The following TASP1 variants were observed in gnomAD, a reference collection of about 807,000 sequenced individuals.
The protein encoded by TASP1 is taspase 1, also known as threonine aspartase 1.
A neutral mutation model predicts 56.6 loss-of-function variants in TASP1; 16 were observed. The ratio of observed to expected loss-of-function variants is 0.28; its 90% CI spans 0.19 to 0.43. The LOEUF (loss-of-function observed/expected upper bound fraction) is 0.43. TASP1 is among the 20% of genes least tolerant of loss of function. The pLI is 1.00. For synonymous variants in TASP1, 179 were observed against 184.2 expected, an observed-to-expected ratio of 0.97 and a Z score of 0.23; for missense variants, 393 against 511.6, an observed-to-expected ratio of 0.77 and a Z score of 2.24.
chr20:13,564,361 T>C (rs2046443646), intron 7 of TASP1, among the ~76,000 whole-genome samples: 2 of 152,086 alleles, frequency 1.3e-5, no homozygotes. Flanking sequence ...ATAAAATGCT[T>C]AGAAAAAAAC....
At chr20:13,499,552 C>T (rs930294199) in intron 10 of TASP1, among the ~76,000 whole-genome samples, 2 of 151,736 alleles carry the variant, frequency 1.3e-5, no homozygotes, top group African/African-American at 4.8e-5. Flanking sequence ...TTTTGTTGAA[C>T]AGACTATGAT....
intron 7 of TASP1, among the ~76,000 whole-genome samples, chr20:13,562,693 A>G (rs1326290551): frequency 1.3e-5 from 2 of 151,828 alleles, no homozygotes; most frequent in African/African-American, 4.8e-5. Context: ...CCTGGGCAAC[A>G]TGGTGAAACC....
intron 11 of TASP1, among the ~76,000 whole-genome samples, chr20:13,437,505 C>T (rs962961929): frequency 1.3e-5 from 2 of 152,108 alleles, no homozygotes; most frequent in Non-Finnish European, 2.9e-5. Flanking sequence ...GAAGTTCTGG[C>T]CAGGGCAATC....
At chr20:13,299,264 G>C in the TASP1 span, 3 of 1,608,302 alleles carry the variant, frequency 1.9e-6, no homozygotes, top group Non-Finnish European at 1.7e-6. This position sits in a 1 kb window ranked among gnomAD's most constrained non-coding sequence, Gnocchi z 5.8. Context: ...GCAAGGGGGC[G>C]GGCACGCCCA....
chr20:13,408,299 T>G (rs1341685135), intron 13 of TASP1, among the ~76,000 whole-genome samples: 1 of 152,166 alleles, frequency 6.6e-6, no homozygotes, highest in African/African-American at 2.4e-5. Context: ...CAGGATCATT[T>G]GTTGGCAATG....
At chr20:13,503,011 T>C (rs1303659577) in intron 10 of TASP1, among the ~76,000 whole-genome samples, 1 of 152,102 alleles carries the variant, frequency 6.6e-6, no homozygotes, top group Non-Finnish European at 1.5e-5. Context: ...GTGAGTAAGC[T>C]CCTGGGTACC....
chr20:13,448,916 G>C (rs572711550), intron 11 of TASP1, among the ~76,000 whole-genome samples: 1 of 152,078 alleles, frequency 6.6e-6, no homozygotes, highest in East Asian at 1.9e-4. Flanking sequence ...GTTCTAAGAG[G>C]GGTTAGATGG....
the TASP1 span, among the ~76,000 whole-genome samples, chr20:13,365,594 C>G: frequency 4.6e-5 from 7 of 152,228 alleles, no homozygotes; most frequent in East Asian, 1.4e-3. Flanking sequence ...TGTGAAAACT[C>G]CAATGCAGGA....
the TASP1 span, among the ~76,000 whole-genome samples, chr20:13,309,868 G>A: frequency 6.6e-6 from 1 of 151,856 alleles, no homozygotes; most frequent in African/African-American, 2.4e-5. Context: ...AACTAAGGAT[G>A]AATACATTTA....
chr20:13,313,091 C>T, the TASP1 span, among the ~76,000 whole-genome samples: 1 of 152,284 alleles, frequency 6.6e-6, no homozygotes, highest in Middle Eastern at 3.4e-3. Context: ...CTTTGGGCCC[C>T]ATCCCACCAC....
chr20:13,238,332 A>T, the TASP1 span, among the ~76,000 whole-genome samples: 1 of 152,174 alleles, frequency 6.6e-6, no homozygotes, highest in East Asian at 1.9e-4. Context: ...GTCATTAATG[A>T]GAGGCAATCT....
intron 10 of TASP1, among the ~76,000 whole-genome samples, chr20:13,505,351 T>A (rs73899333): frequency 0.01 from 1,570 of 152,268 alleles, 31 homozygotes; most frequent in African/African-American, 0.035. Flanking sequence ...ATGGATAGAT[T>A]ATGCAAATAG....
chr20:13,375,517 T>A, the TASP1 span, among the ~76,000 whole-genome samples: 1 of 152,200 alleles, frequency 6.6e-6, no homozygotes, highest in Non-Finnish European at 1.5e-5. Context: ...AAGTCTTTGC[T>A]GTTGTGAATA....
At chr20:13,151,085 A>G in the TASP1 span, among the ~76,000 whole-genome samples, 4 of 152,050 alleles carry the variant, frequency 2.6e-5, no homozygotes, top group Non-Finnish European at 5.9e-5. Context: ...TACTGTTCCT[A>G]TTGTTACTGA....
At chr20:13,183,830 C>T in the TASP1 span, among the ~76,000 whole-genome samples, 1 of 151,826 alleles carries the variant, frequency 6.6e-6, no homozygotes, top group Non-Finnish European at 1.5e-5. Context: ...GAGATTGAGA[C>T]CAACCTGGCT....
chr20:13,589,294 G>A (rs933857863), intron 4 of TASP1, among the ~76,000 whole-genome samples: 2 of 151,922 alleles, frequency 1.3e-5, no homozygotes, highest in East Asian at 3.9e-4. Context: ...TCCTGACCTC[G>A]TGATCCACCC....
chr20:13,146,692 C>T, the TASP1 span, among the ~76,000 whole-genome samples: 1 of 152,174 alleles, frequency 6.6e-6, no homozygotes, highest in Non-Finnish European at 1.5e-5. Context: ...CCTGTTAGAT[C>T]ATTTGTTCCA....
chr20:13,126,873 A>T, the TASP1 span, among the ~76,000 whole-genome samples: 1 of 152,244 alleles, frequency 6.6e-6, no homozygotes, highest in East Asian at 1.9e-4. Flanking sequence ...TTAGCACACC[A>T]TACAAAAACC....
rs190970734 is a variant in TASP1 at position 13,399,028 on chromosome 20, C to G, written c.1171-8576G>C. The stretch of plus-strand genomic sequence containing the variant: ...TGACTTCCAATGCCAAATCCAATAG[C>G]CTGTCCTCAAATCTAATTTCACAAG... On this transcript the variant is annotated intron_variant, in intron 13 of 13. Coordinates refer to ENST00000337743, the MANE Select transcript of TASP1 (RefSeq NM_017714.3). Among the ~76,000 whole-genome samples the G allele has an allele frequency of 1.2e-3, 189 of 152,310 alleles. 1 individual carries two copies. Among genetic ancestry groups the G allele is most frequent in the Non-Finnish European group, 1.7e-3 (118 of 68,028 alleles).
Sources: allele counts gnomAD v4.1 joint callset (sites outside exome capture counted in the v4.1 genomes callset), GRCh38; gene constraint gnomAD v4.1.1; non-coding constraint Gnocchi (gnomAD v3.1); transcripts MANE v1.5; gene names NCBI Gene and HGNC (gene_info 2026-07-23, HGNC 2026-07-21).